PPM1H: variants seen among roughly 807,000 people sequenced by gnomAD.
PPM1H encodes protein phosphatase 1H.
Under a neutral mutation model 54.9 loss-of-function variants are expected in PPM1H, and 27 were observed. That is an observed-to-expected ratio of 0.49 (90% CI 0.36 to 0.68). The LOEUF is 0.68. PPM1H is among the 30% of genes least tolerant of loss of function. The probability of loss-of-function intolerance (pLI) is 0.00; values close to 1 mark genes in which losing one functional copy is unlikely to be tolerated. For synonymous variants in PPM1H, 305 were observed against 270.8 expected, an observed-to-expected ratio of 1.13 and a Z score of -1.24; for missense variants, 596 against 667.8, an observed-to-expected ratio of 0.89 and a Z score of 1.19.
intron 8 of PPM1H, among the ~76,000 whole-genome samples, chr12:62,675,826 T>A (rs2075982223): frequency 6.6e-6 from 1 of 152,180 alleles, no homozygotes; most frequent in African/African-American, 2.4e-5. Context: ...CAAGAGCAAG[T>A]GAGCAAGCTA....
chr12:62,857,958 T>G (rs1224082982), intron 1 of PPM1H, among the ~76,000 whole-genome samples: 1 of 152,110 alleles, frequency 6.6e-6, no homozygotes, highest in Non-Finnish European at 1.5e-5. Context: ...TATATACCCT[T>G]ATCTATTTGT....
At chr12:62,884,587 T>C (rs1206080364) in intron 1 of PPM1H, among the ~76,000 whole-genome samples, 1 of 147,262 alleles carries the variant, frequency 6.8e-6, no homozygotes, top group East Asian at 2.0e-4. Context: ...TTATTAAAAA[T>C]AAGAGACCTA....
chr12:62,894,375 T>C (rs1268580967), intron 1 of PPM1H, among the ~76,000 whole-genome samples: 1 of 152,100 alleles, frequency 6.6e-6, no homozygotes, highest in Non-Finnish European at 1.5e-5. Context: ...CCCAAAAAGG[T>C]ATTTAGATGA....
rs374455353 is a variant in PPM1H, at chr12:62,676,564, C to G, written c.1246-9235G>C. Among the ~76,000 whole-genome samples, 318 of 152,314 alleles carry G rather than the reference C, an allele frequency of 2.1e-3. 1 individual carries two copies. Among genetic ancestry groups the G allele is most frequent in the African/African-American group, 7.2e-3 (300 of 41,570 alleles). On this transcript the variant is annotated intron_variant, in intron 8 of 9. Coordinates refer to ENST00000228705, the MANE Select transcript of PPM1H (RefSeq NM_020700.2). ...GAAGTGTCTGTTCCTGCTGCCTGGC[C>G]TCTCTCAGCTCCCAGTGCCTACTCC... is the stretch of plus-strand genomic sequence containing the variant.
intron 4 of PPM1H, among the ~76,000 whole-genome samples, chr12:62,747,410 A>G (rs1226775978): frequency 1.3e-5 from 2 of 152,188 alleles, no homozygotes; most frequent in Non-Finnish European, 1.5e-5. Context: ...TGCTGGGATT[A>G]TAGGCGTGAG....
chr12:62,675,094 G>A (rs561487798), intron 8 of PPM1H, among the ~76,000 whole-genome samples: 276 of 152,288 alleles, frequency 1.8e-3, no homozygotes, highest in Non-Finnish European at 3.5e-3. Flanking sequence ...TCATACTATT[G>A]CAAAAGGAGC....
chr12:62,783,822 G>T (rs1592597037), intron 4 of PPM1H, among the ~76,000 whole-genome samples: 2 of 152,170 alleles, frequency 1.3e-5, no homozygotes, highest in South Asian at 4.1e-4. Flanking sequence ...AGTCTCAGTT[G>T]CTAAACCTTT....
chr12:62,793,462 C>T (rs1400094856), intron 3 of PPM1H, among the ~76,000 whole-genome samples: 1 of 152,074 alleles, frequency 6.6e-6, no homozygotes, highest in Admixed American at 6.5e-5. Context: ...CGGTGGCTCA[C>T]GCCTGTAATC....
chr12:62,907,484 C>G (rs1180313521), intron 1 of PPM1H, among the ~76,000 whole-genome samples: 1 of 152,190 alleles, frequency 6.6e-6, no homozygotes, highest in East Asian at 1.9e-4. Flanking sequence ...TTTGGGTTCT[C>G]TGCCCCACTC....
intron 5 of PPM1H, among the ~76,000 whole-genome samples, chr12:62,733,882 C>T (rs925991932): frequency 6.6e-5 from 10 of 152,096 alleles, no homozygotes; most frequent in South Asian, 6.2e-4. Flanking sequence ...ATCTTAGCAA[C>T]GTTAGAAATG....
chr12:62,826,328 A>G (rs1470140559), intron 2 of PPM1H, among the ~76,000 whole-genome samples: 1 of 152,214 alleles, frequency 6.6e-6, no homozygotes, highest in East Asian at 1.9e-4. Context: ...GCTTGCCGGT[A>G]ATCCCAGCTA....
At chr12:62,727,849 C>G (rs991261326) in intron 5 of PPM1H, among the ~76,000 whole-genome samples, 2 of 151,674 alleles carry the variant, frequency 1.3e-5, no homozygotes, top group African/African-American at 4.8e-5. Flanking sequence ...TTAGTAGAGA[C>G]GGGGTTTCAC....
chr12:62,703,716 T>A (rs1321395549), intron 6 of PPM1H, among the ~76,000 whole-genome samples: 1 of 152,070 alleles, frequency 6.6e-6, no homozygotes, highest in Non-Finnish European at 1.5e-5. Context: ...AGTTAAGCAA[T>A]TCTGGAATCC....
chr12:62,709,157 G>A (rs766663609), intron 6 of PPM1H, among the ~76,000 whole-genome samples: 10 of 152,184 alleles, frequency 6.6e-5, no homozygotes, highest in East Asian at 1.9e-4. Flanking sequence ...TGAGCCTCCC[G>A]GGACTGTTAT....
At chr12:62,828,932 T>TAAA (rs66531831) in intron 2 of PPM1H, among the ~76,000 whole-genome samples, 12,316 of 149,778 alleles carry the variant, frequency 0.082, 902 homozygotes, top group African/African-American at 0.19. Flanking sequence ...TGATTACTAT[T>TAAA]AAAAAAAGAA....
Position 62,730,301 on chromosome 12 carries a change from G to A in PPM1H, c.954+7201C>T, listed in dbSNP as rs532860791. Reference sequence around the variant, plus strand: ...TGTTACAAACAGTGCTGCTATGCACGCTCTGGTCTTTGGGTAAACATTCAT... The same window carrying A: ...TGTTACAAACAGTGCTGCTATGCACACTCTGGTCTTTGGGTAAACATTCAT... On this transcript the variant is annotated intron_variant, in intron 5 of 9. Transcript: ENST00000228705. Among the ~76,000 whole-genome samples, 14 of 152,170 alleles carry A rather than the reference G, an allele frequency of 9.2e-5. 1 individual carries two copies. Among genetic ancestry groups the A allele is most frequent in the Admixed American group, 3.3e-4 (5 of 15,264 alleles).
intron 4 of PPM1H, among the ~76,000 whole-genome samples, chr12:62,756,490 T>G (rs1317432805): frequency 6.6e-6 from 1 of 152,156 alleles, no homozygotes; most frequent in Non-Finnish European, 1.5e-5. Flanking sequence ...CACAGTTTTT[T>G]TAAACAAATG....
intron 5 of PPM1H, among the ~76,000 whole-genome samples, chr12:62,728,941 A>G (rs1188148191): frequency 1.3e-5 from 2 of 151,892 alleles, no homozygotes; most frequent in Admixed American, 1.3e-4. Context: ...CCTCCTTTTG[A>G]TAATTTTTTT....
chr12:62,789,885 G>T (rs1330096400), intron 3 of PPM1H, among the ~76,000 whole-genome samples: 2 of 152,230 alleles, frequency 1.3e-5, no homozygotes, highest in African/African-American at 2.4e-5. Context: ...AGAAGCAAAG[G>T]TTCTGTTACC....
Sources: gnomAD v4.1 joint callset for allele counts (sites outside exome capture counted in the v4.1 genomes callset) on GRCh38, gnomAD v4.1.1 for gene constraint, MANE v1.5 for transcripts, NCBI Gene and HGNC (gene_info 2026-07-23, HGNC 2026-07-21) for gene names.